Variants in TRPC4 observed in about 807,000 individuals in gnomAD.
The protein encoded by TRPC4 is short transient receptor potential channel 4.
A neutral mutation model predicts 99.4 loss-of-function variants in TRPC4; 49 were observed. The observed-to-expected ratio is 0.49, with a 90% CI of 0.39 to 0.63. The LOEUF is 0.63. Ranked by LOEUF, TRPC4 falls within the 20% of genes least tolerant of loss-of-function variation. The probability of loss-of-function intolerance (pLI) is 0.00; values close to 1 mark genes in which losing one functional copy is unlikely to be tolerated. For synonymous variants in TRPC4, 454 were observed against 425.9 expected, an observed-to-expected ratio of 1.07 and a Z score of -0.81; for missense variants, 898 against 1,152.9, an observed-to-expected ratio of 0.78 and a Z score of 3.20.
At chr13:37,741,844 T>C (rs916833717) in intron 3 of TRPC4, among the ~76,000 whole-genome samples, 5 of 151,780 alleles carry the variant, frequency 3.3e-5, no homozygotes, top group African/African-American at 1.2e-4. Context: ...CAAGTTTTTG[T>C]AGTTAAGATC....
chr13:37,686,032 G>A (rs1370028952), intron 4 of TRPC4, among the ~76,000 whole-genome samples: 1 of 152,108 alleles, frequency 6.6e-6, no homozygotes, highest in Non-Finnish European at 1.5e-5. Flanking sequence ...TCTGCAGCTT[G>A]TGTTTGAGGG....
chr13:37,778,693 T>C (rs1956767381), intron 2 of TRPC4, among the ~76,000 whole-genome samples: 1 of 152,026 alleles, frequency 6.6e-6, no homozygotes. Context: ...ATCTTCACTG[T>C]TTATAATGTA....
chr13:37,656,880 C>T (rs1002806182), intron 6 of TRPC4, among the ~76,000 whole-genome samples: 9 of 152,138 alleles, frequency 5.9e-5, no homozygotes, highest in Non-Finnish European at 8.8e-5. Flanking sequence ...ACGTCAACTC[C>T]GGCTCTTCCC....
chr13:37,786,877 T>C (rs968171735), intron 1 of TRPC4, among the ~76,000 whole-genome samples: 28 of 152,008 alleles, frequency 1.8e-4, no homozygotes, highest in African/African-American at 6.3e-4. Context: ...TTATTTTTTA[T>C]GAAAAATAAA....
chr13:37,668,344 G>T (rs1570612), intron 5 of TRPC4, among the ~76,000 whole-genome samples: 37,914 of 152,030 alleles, frequency 0.25, 5,397 homozygotes, highest in East Asian at 0.68. Context: ...AGATTCTTAT[G>T]CAGGGAGCTT....
At chr13:37,751,154 CAG>C (rs1311981375) in intron 2 of TRPC4, among the ~76,000 whole-genome samples, 1 of 151,952 alleles carries the variant, frequency 6.6e-6, no homozygotes, top group African/African-American at 2.4e-5. Flanking sequence ...GAAGAGCAAG[CAG>C]AGAGGATGGA....
intron 3 of TRPC4, among the ~76,000 whole-genome samples, chr13:37,713,063 T>G (rs1272544619): frequency 3.3e-5 from 5 of 152,164 alleles, no homozygotes; most frequent in Admixed American, 2.0e-4. Flanking sequence ...AGCATTTCAT[T>G]TTTCAACCTT....
chr13:37,684,788 A>G lies in TRPC4; in HGVS notation c.1234+7211T>C, dbSNP rs1194837400. 1.6e-4 allele frequency among the ~76,000 whole-genome samples: 21 copies of G among 135,240 alleles called. No individual in the cohort carries two copies. The South Asian group carries it at 5.0e-3, about 32-fold the overall frequency. 88.7% of individuals were successfully genotyped at this position (135,240 alleles called of 152,430 possible). A position where few individuals can be genotyped will look rare whatever the true frequency, so the allele number is the denominator to read the frequency against. On this transcript the variant is annotated intron_variant, in intron 4 of 10. Coordinates refer to ENST00000379705, the MANE Select transcript of TRPC4 (RefSeq NM_016179.4). The stretch of plus-strand genomic sequence containing the variant: ...TTTATTTCTTTCGATTTTCCTGAGT[A>G]CCCCTTACACACACACACACACACA...
intron 8 of TRPC4, among the ~76,000 whole-genome samples, chr13:37,649,222 G>A (rs1566066751): frequency 6.6e-6 from 1 of 152,000 alleles, no homozygotes; most frequent in Non-Finnish European, 1.5e-5. Context: ...TTACCTCAAG[G>A]GAAGCATTAA....
intron 1 of TRPC4, among the ~76,000 whole-genome samples, chr13:37,863,968 T>C (rs568433696): frequency 9.2e-5 from 14 of 151,834 alleles, no homozygotes; most frequent in African/African-American, 3.4e-4. Flanking sequence ...GGTATGCAAA[T>C]TGTGTTACTT....
At chr13:37,803,026 T>A (rs866936828) in intron 1 of TRPC4, among the ~76,000 whole-genome samples, 1 of 152,082 alleles carries the variant, frequency 6.6e-6, no homozygotes, top group African/African-American at 2.4e-5. Context: ...TATATATTTA[T>A]TTTATTTTTG....
chr13:37,784,892 T>C (rs1304035334), intron 1 of TRPC4, among the ~76,000 whole-genome samples: 1 of 152,124 alleles, frequency 6.6e-6, no homozygotes, highest in Non-Finnish European at 1.5e-5. Context: ...GTTTAAGAGC[T>C]AATATGAAAA....
chr13:37,770,813 G>C (rs1489875567), intron 2 of TRPC4, among the ~76,000 whole-genome samples: 1 of 151,532 alleles, frequency 6.6e-6, no homozygotes, highest in East Asian at 1.9e-4. Context: ...TTCCATTCAG[G>C]ATGAAGCGTG....
intron 2 of TRPC4, among the ~76,000 whole-genome samples, chr13:37,765,028 A>G (rs929584760): frequency 6.6e-6 from 1 of 151,122 alleles, no homozygotes; most frequent in African/African-American, 2.4e-5. Context: ...TATTTGTGAA[A>G]GATTGAAATA....
At position 37,800,113 on chromosome 13, in the gene TRPC4, G is replaced by C. The variant is rs148421958; in HGVS notation, c.-27-16753C>G. Among the ~76,000 whole-genome samples the C allele has an allele frequency of 2.8e-3, 426 of 152,304 alleles. 3 individuals are homozygous for C. The highest frequency in any genetic ancestry group is 1.0e-2 in the African/African-American group (414 of 41,566). ...CATATGAATAATTTGTTAAAATGTT[G>C]TTTAAGTCAAGTGATTTAGATGAAT... On this transcript the variant is annotated intron_variant, in intron 1 of 10. Transcript: ENST00000379705.
At chr13:37,684,555 TAAG>T (rs1308437451) in intron 4 of TRPC4, among the ~76,000 whole-genome samples, 2 of 152,168 alleles carry the variant, frequency 1.3e-5, no homozygotes, top group East Asian at 3.9e-4. Context: ...CCATGAAAAC[TAAG>T]AAGTAGAATG....
At chr13:37,691,913 C>T in intron 4 of TRPC4, 86 bp downstream of exon 4, 1 of 1,296,952 alleles carries the variant, frequency 7.7e-7, no homozygotes, top group Non-Finnish European at 1.1e-6. Context: ...ATTCCTAGGT[C>T]CCAAACATTA....
chr13:37,838,142 C>G (rs1008906517), intron 1 of TRPC4, among the ~76,000 whole-genome samples: 7 of 152,170 alleles, frequency 4.6e-5, no homozygotes, highest in South Asian at 2.1e-4. Flanking sequence ...TCAGATATGT[C>G]TTTACCAGCA....
At chr13:37,814,608 T>G (rs945799941) in intron 1 of TRPC4, among the ~76,000 whole-genome samples, 2 of 151,838 alleles carry the variant, frequency 1.3e-5, no homozygotes, top group African/African-American at 4.8e-5. Flanking sequence ...GTGAAAGACT[T>G]GTAGTCTTGC....
Sources: gnomAD v4.1 joint callset for allele counts (sites outside exome capture counted in the v4.1 genomes callset) on GRCh38, gnomAD v4.1.1 for gene constraint, MANE v1.5 for transcripts, NCBI Gene and HGNC (gene_info 2026-07-23, HGNC 2026-07-21) for gene names.